Variants in GABRR1 observed in about 807,000 individuals in gnomAD.
The protein encoded by GABRR1 is gamma-aminobutyric acid receptor subunit rho-1.
GABRR1 carries 59 observed loss-of-function variants against 55.5 expected under a neutral mutation model. The observed-to-expected ratio is 1.06, with a 90% CI of 0.86 to 1.32. GABRR1 has a LOEUF of 1.32. Ranked by LOEUF, GABRR1 falls within the 40% of genes most tolerant of loss-of-function variation. The pLI is 0.00. For missense variants in GABRR1, 602 were observed against 619.1 expected (o/e 0.97, Z 0.29); for synonymous variants, 213 against 226.0 (o/e 0.94, Z 0.51).
upstream of GABRR1, among the ~76,000 whole-genome samples, chr6:89,218,405 G>C (rs968652689): frequency 1.3e-5 from 2 of 152,172 alleles, no homozygotes; most frequent in Non-Finnish European, 2.9e-5. Flanking sequence ...TCTGTTCCCA[G>C]ATCGTAAGAA....
intron 1 of GABRR1, among the ~76,000 whole-genome samples, chr6:89,224,921 T>C (rs1234551369): frequency 6.6e-6 from 1 of 152,150 alleles, no homozygotes; most frequent in Non-Finnish European, 1.5e-5. Context: ...TAGCTGGGAT[T>C]ACAGGCACCC....
upstream of GABRR1, among the ~76,000 whole-genome samples, chr6:89,218,069 G>A (rs576292045): frequency 6.6e-6 from 1 of 152,186 alleles, no homozygotes; most frequent in South Asian, 2.1e-4. Context: ...TTTTTCTTTT[G>A]CTTTGATGCT....
chr6:89,186,860 C>A (rs1477926768), intron 6 of GABRR1, among the ~76,000 whole-genome samples: 1 of 152,226 alleles, frequency 6.6e-6, no homozygotes, highest in Non-Finnish European at 1.5e-5. Context: ...TCCCCACATT[C>A]AGTGCCCTAT....
intron 2 of GABRR1, 33 bp downstream of exon 2, chr6:89,203,402 T>G (rs771007345): frequency 6.3e-7 from 1 of 1,591,132 alleles, no homozygotes; most frequent in African/African-American, 1.3e-5. Flanking sequence ...AGGAAACATC[T>G]GCAGAACAGT....
chr6:89,229,080 G>A (rs1773242279), intron 1 of GABRR1, among the ~76,000 whole-genome samples: 1 of 151,940 alleles, frequency 6.6e-6, no homozygotes, highest in South Asian at 2.1e-4. Context: ...GACTAGGATT[G>A]CAACCCCTGC....
intron 5 of GABRR1, among the ~76,000 whole-genome samples, chr6:89,195,317 G>C (rs1772228397): frequency 6.6e-6 from 1 of 152,060 alleles, no homozygotes; most frequent in African/African-American, 2.4e-5. Context: ...AAAAAAATTA[G>C]CCAGGCATGG....
chr6:89,199,432 G>A lies in GABRR1; in HGVS notation c.281-3C>T. ...CACACCAACAGGAATGGCAGGGCCT[G>A]GGGACAGAGCATGGCAAGAGCATTC... On this transcript the variant is annotated splice_region_variant and splice_polypyrimidine_tract_variant and intron_variant, in intron 3 of 9. Coordinates refer to ENST00000454853, the MANE Select transcript of GABRR1 (RefSeq NM_002042.5). The A allele has an allele frequency of 2.5e-6, 4 of 1,613,624 alleles. No homozygotes were observed. The highest frequency in any genetic ancestry group is 3.4e-6 in the Non-Finnish European group (4 of 1,179,652).
At chr6:89,208,731 C>T (rs1320112399) in intron 1 of GABRR1, among the ~76,000 whole-genome samples, 1 of 152,246 alleles carries the variant, frequency 6.6e-6, no homozygotes, top group Non-Finnish European at 1.5e-5. Context: ...TTGGCAGCCC[C>T]CACAAATGTG....
At chr6:89,196,203 T>C (rs1194663013) in intron 5 of GABRR1, among the ~76,000 whole-genome samples, 2 of 152,220 alleles carry the variant, frequency 1.3e-5, no homozygotes, top group Non-Finnish European at 2.9e-5. Context: ...TAAAAACTTA[T>C]AGTGGTTTTT....
chr6:89,184,885 C>CTTTTTTTTT (rs754802888), intron 7 of GABRR1, among the ~76,000 whole-genome samples: 2 of 123,738 alleles, frequency 1.6e-5, no homozygotes, highest in Non-Finnish European at 1.7e-5. Context: ...TCTTTTCTTT[C>CTTTTTTTTT]TTTTTTTTTT....
chr6:89,195,223 G>A (rs1562295133), intron 5 of GABRR1, among the ~76,000 whole-genome samples: 1 of 152,134 alleles, frequency 6.6e-6, no homozygotes, highest in Non-Finnish European at 1.5e-5. Flanking sequence ...CACTTTAGGA[G>A]GCTGAGGCAG....
intron 5 of GABRR1, among the ~76,000 whole-genome samples, chr6:89,197,297 G>A (rs1488802988): frequency 6.6e-6 from 1 of 152,170 alleles, no homozygotes; most frequent in Admixed American, 6.5e-5. Flanking sequence ...GGAATGCACC[G>A]TCCACAAAGC....
intron 1 of GABRR1, among the ~76,000 whole-genome samples, chr6:89,209,271 T>G (rs1319831731): frequency 6.6e-6 from 1 of 152,154 alleles, no homozygotes; most frequent in Admixed American, 6.5e-5. Context: ...TTATTTTTTT[T>G]AATTTAAAGC....
At chr6:89,202,702 A>G (rs1425179098) in intron 2 of GABRR1, among the ~76,000 whole-genome samples, 1 of 151,592 alleles carries the variant, frequency 6.6e-6, no homozygotes, top group Non-Finnish European at 1.5e-5. Context: ...TTTTTTATTT[A>G]TTTATTTATT....
chr6:89,230,264 G>A (rs1312509393), intron 1 of GABRR1, among the ~76,000 whole-genome samples: 3 of 145,008 alleles, frequency 2.1e-5, no homozygotes, highest in South Asian at 2.3e-4. Flanking sequence ...CTCTCAGCTC[G>A]TCAAAGTCAT....
chr6:89,190,307 A>G (rs1772047910), intron 5 of GABRR1, 60 bp from the exon 6 acceptor site: 2 of 1,235,716 alleles, frequency 1.6e-6, no homozygotes, highest in Non-Finnish European at 2.3e-6. Context: ...GTGCAAAATG[A>G]TAAATGGAAA....
chr6:89,203,751 G>A (rs1052114859), intron 1 of GABRR1, among the ~76,000 whole-genome samples: 2 of 152,174 alleles, frequency 1.3e-5, no homozygotes, highest in Admixed American at 6.5e-5. Flanking sequence ...TGGTCTACCC[G>A]GGCGTGAAAT....
At chr6:89,196,009 A>G (rs574590888) in intron 5 of GABRR1, among the ~76,000 whole-genome samples, 1 of 152,346 alleles carries the variant, frequency 6.6e-6, no homozygotes, top group African/African-American at 2.4e-5. Flanking sequence ...AGTACAAAAT[A>G]TTGAGGACAT....
Position 89,185,320 on chromosome 6 carries a change from G to A in GABRR1, c.786C>T (p.Tyr262=), listed in dbSNP as rs749994267. The A allele has an allele frequency of 9.9e-6, 16 of 1,613,878 alleles. No homozygotes were observed. The highest frequency in any genetic ancestry group is 2.2e-5 in the East Asian group (1 of 44,902). ...EFHTTTKLAF[Y]SSTGWYNRLY... The stretch of plus-strand genomic sequence containing the variant: ...TCACTCTACACTTACCTGTGCTGCT[G>A]TAGAAAGCCAGTTTGGTGGTGGTGT... The change falls in exon 7 of 10, where the codon TAC becomes TAT. Residue 262 remains tyrosine (Y), a synonymous_variant. Coordinates refer to ENST00000454853, the MANE Select transcript of GABRR1 (RefSeq NM_002042.5).
Sources: allele counts gnomAD v4.1 joint callset (sites outside exome capture counted in the v4.1 genomes callset), GRCh38; gene constraint gnomAD v4.1.1; transcripts MANE v1.5; gene names NCBI Gene and HGNC (gene_info 2026-07-23, HGNC 2026-07-21).